Variants in PRSS36 observed in about 807,000 individuals in gnomAD.
PRSS36 encodes polyserase-2.
A neutral mutation model predicts 94.3 loss-of-function variants in PRSS36; 90 were observed. That is an observed-to-expected ratio of 0.95 (90% CI 0.80 to 1.14). The LOEUF (loss-of-function observed/expected upper bound fraction) is 1.14, where lower values mean the gene tolerates loss of function less well. PRSS36 is among the 50% of genes most tolerant of loss of function. The probability of loss-of-function intolerance (pLI) is 0.00; values close to 1 mark genes in which losing one functional copy is unlikely to be tolerated. For missense variants in PRSS36, 1,158 were observed against 1,135.0 expected (o/e 1.02, Z -0.29); for synonymous variants, 500 against 489.6 (o/e 1.02, Z -0.28).
rs775399871 is a variant in PRSS36, at chr16:31,143,802, G to A, written c.756C>T (p.Gly252=). Residue 252 remains glycine (G), a synonymous_variant, in exon 7 of 15, where the codon GGC becomes GGT. Transcript: ENST00000268281. The part of the protein sequence containing the change: ...DSGGPLVCEE[G]GRWFQAGITS... ...TGATTCCTGCCTGGAACCAGCGGCC[G>A]CCTTCCTCACAGACCAGGGGCCCCC... 17 of 1,613,852 alleles carry A rather than the reference G, an allele frequency of 1.1e-5. No homozygotes were observed. In the East Asian group the frequency reaches 2.9e-4, roughly 27 times the overall value.
chr16:31,149,604 C>G, intron 2 of PRSS36, 92 bp downstream of exon 2: 4 of 1,608,028 alleles, frequency 2.5e-6, no homozygotes, highest in Non-Finnish European at 3.4e-6. Context: ...TCCCACTTCC[C>G]TGTCCGTTCA....
At chr16:31,139,501 A>T in intron 14 of PRSS36, 85 bp from the exon 15 acceptor site, 1 of 1,489,028 alleles carries the variant, frequency 6.7e-7, no homozygotes, top group Non-Finnish European at 9.1e-7. Flanking sequence ...GCCACGAAGC[A>T]CTCTGGTCTG....
Position 31,140,742 on chromosome 16 carries a change from T to C in PRSS36, c.1917A>G (p.Thr639=), listed in dbSNP as rs1040648236. The C allele has an allele frequency of 1.9e-6, 3 of 1,613,876 alleles. No individual in the cohort carries two copies. Among genetic ancestry groups the C allele is most frequent in the African/African-American group, 2.7e-5 (2 of 74,888 alleles). The change falls in exon 13 of 15, where the codon ACA becomes ACG. Residue 639 remains threonine (T), a synonymous_variant. Transcript: ENST00000268281. ...THCVLRPGST[T]VPYIEVYLGR... is the part of the protein sequence containing the mutation. ...CCAGATACACTTCAATGTAAGGCACTGTTGTAGAGCCTGGCCTGTTGGAAC... is the reference window on the plus strand; with the variant it reads ...CCAGATACACTTCAATGTAAGGCACCGTTGTAGAGCCTGGCCTGTTGGAAC...
chr16:31,142,136 TC>T (rs780784446), intron 10 of PRSS36, among the ~76,000 whole-genome samples, 176 bp from the exon 11 acceptor site: 67 of 152,236 alleles, frequency 4.4e-4, no homozygotes, highest in Admixed American at 1.2e-3. Flanking sequence ...ACTTTAAGAT[TC>T]TCCTTAAATC....
chr16:31,149,779 T>TTC, intron 1 of PRSS36, 48 bp from the exon 2 acceptor site: 1 of 1,613,330 alleles, frequency 6.2e-7, no homozygotes, highest in Non-Finnish European at 8.5e-7. Context: ...TCGCACTCAG[T>TTC]ATGTGCCCTC....
Position 31,149,685 on chromosome 16 carries a change from G to A in PRSS36, c.73+11C>T, listed in dbSNP as rs766867052. ...TCTGCACGTGACTTTCCCCCAGTCC[G>A]GCTACCTTACCTGAGTCCTGGAAGG... is the stretch of plus-strand genomic sequence containing the variant. On this transcript the variant is annotated intron_variant, in intron 2 of 14. Transcript: ENST00000268281. The A allele has an allele frequency of 2.6e-5, 42 of 1,613,978 alleles. No homozygotes were observed. The highest frequency in any genetic ancestry group is 3.3e-5 in the Admixed American group (2 of 59,980).
chr16:31,149,054 G>C lies in PRSS36; in HGVS notation c.272+19C>G, dbSNP rs751695920. On this transcript the variant is annotated intron_variant, in intron 4 of 14. Coordinates refer to ENST00000268281, the MANE Select transcript of PRSS36 (RefSeq NM_173502.5). ...CCAGCTTTTGGCGGAGAGGGGCCAGGACCAGGGCGAATACTCACGTCATGA... is the reference window on the plus strand; with the variant it reads ...CCAGCTTTTGGCGGAGAGGGGCCAGCACCAGGGCGAATACTCACGTCATGA... 1.0e-5 allele frequency: 16 copies of C among 1,574,790 alleles called. No homozygotes were observed. Among genetic ancestry groups the C allele is most frequent in the Non-Finnish European group, 1.2e-5 (14 of 1,160,594 alleles).
intron 6 of PRSS36, 146 bp from the exon 7 acceptor site, chr16:31,143,983 G>T: frequency 9.9e-7 from 1 of 1,015,016 alleles, no homozygotes; most frequent in Non-Finnish European, 1.4e-6. Context: ...CATTCCCTGC[G>T]GCTCTAAACA....
intron 5 of PRSS36, 116 bp from the exon 6 acceptor site, chr16:31,146,071 C>T (rs563221079): frequency 5.4e-4 from 479 of 895,254 alleles, no homozygotes; most frequent in Non-Finnish European, 7.1e-4. Context: ...GCCCCATGGC[C>T]TCTCAGCCCA....
At chr16:31,141,322 G>A in intron 12 of PRSS36, 147 bp downstream of exon 12, 1 of 1,046,498 alleles carries the variant, frequency 9.6e-7, no homozygotes, top group South Asian at 1.6e-5. Flanking sequence ...AAGGCAGGAG[G>A]ATTGCTTGAG....
chr16:31,140,140 G>A (rs112220319), intron 14 of PRSS36, among the ~76,000 whole-genome samples, 154 bp downstream of exon 14: 19 of 150,158 alleles, frequency 1.3e-4, no homozygotes, highest in African/African-American at 4.7e-4. Context: ...GCAGTGAGCC[G>A]AGATCGCGCC....
Position 31,141,884 on chromosome 16 carries a change from C to G in PRSS36, c.1598G>C (p.Gly533Ala). ...GAAGAAGGCTCGGGGACGTAGACAG[C>G]CACTGGGAAAGTCTCTGATTCCAGC... ...FLAGIRDFPS[G>A]CLRPRAFFPL... The change falls in exon 11 of 15, where the codon GGC (glycine) becomes GCC (alanine). Residue 533 changes from glycine to alanine, a missense_variant. Coordinates refer to ENST00000268281, the MANE Select transcript of PRSS36 (RefSeq NM_173502.5). The G allele has an allele frequency of 6.2e-7, 1 of 1,614,156 alleles. No homozygotes were observed. Among genetic ancestry groups the G allele is most frequent in the Non-Finnish European group, 8.5e-7 (1 of 1,180,032 alleles).
rs958145271 is a variant in PRSS36, at chr16:31,146,214, A to G, written c.554-259T>C. Among the ~76,000 whole-genome samples the G allele has an allele frequency of 2.0e-5, 3 of 152,340 alleles. 1 individual carries two copies. Among genetic ancestry groups the G allele is most frequent in the Non-Finnish European group, 2.9e-5 (2 of 68,030 alleles). On this transcript the variant is annotated intron_variant, in intron 5 of 14. Transcript: ENST00000268281. Reference sequence around the variant, plus strand: ...GTTGTGCACTGCAACAAAGGATGCAATGTAGGGACTAAAACCATTAAGTTC... The same window carrying G: ...GTTGTGCACTGCAACAAAGGATGCAGTGTAGGGACTAAAACCATTAAGTTC...
At chr16:31,147,824 A>G (rs1467618567) in intron 5 of PRSS36, among the ~76,000 whole-genome samples, 9 of 152,112 alleles carry the variant, frequency 5.9e-5, no homozygotes, top group Non-Finnish European at 2.9e-5. Context: ...GGTGGATGGA[A>G]TGAGAGGAAG....
chr16:31,139,044 CCTTGAG>C lies in PRSS36; in HGVS notation c.*88_*93del. 1.4e-5 allele frequency: 19 copies of C among 1,379,350 alleles called. No individual in the cohort carries two copies. Among genetic ancestry groups the C allele is most frequent in the Admixed American group, 4.9e-5 (2 of 40,650 alleles). 85.4% of individuals were successfully genotyped at this position (1,379,350 alleles called of 1,614,324 possible). ...CCGCTGCAATCTCGGTGGGTGGGGC[CCTTGAG>C]GTTCCAGCCGGCTGGGCCACATTCC... On this transcript the variant is annotated 3_prime_UTR_variant, in exon 15 of 15. Transcript: ENST00000268281.
rs766329085 is a variant in PRSS36 at position 31,141,455 on chromosome 16, C to T, written c.1901+14G>A. The T allele has an allele frequency of 9.4e-6, 15 of 1,594,698 alleles. No homozygotes were observed. The highest frequency in any genetic ancestry group is 2.2e-5 in the East Asian group (1 of 44,520). On this transcript the variant is annotated intron_variant, in intron 12 of 14. Transcript: ENST00000268281. ...CCCCTCCCGTCTCTCGCCTAGGAGA[C>T]GAGTGAGACCCACCTGAGGACACAG...
chr16:31,141,682 C>A, intron 11 of PRSS36, 41 bp downstream of exon 11: 1 of 1,607,594 alleles, frequency 6.2e-7, no homozygotes, highest in Non-Finnish European at 8.5e-7. Context: ...TGGGTCTGTG[C>A]ACTCCCAGGA....
rs1366541350 is a variant in PRSS36 at position 31,143,339 on chromosome 16, C to G, written c.1100+3G>C. 13 of 1,585,612 alleles carry G rather than the reference C, an allele frequency of 8.2e-6. No homozygotes were observed. Among genetic ancestry groups the G allele is most frequent in the Admixed American group, 1.8e-5 (1 of 54,206 alleles). ...TCGGCTTGAAACGTAGATTTTCACT[C>G]ACTCCAGAAAGCAGCTGGCAGGTGC... On this transcript the variant is annotated splice_donor_region_variant and intron_variant, in intron 8 of 14. Coordinates refer to ENST00000268281, the MANE Select transcript of PRSS36 (RefSeq NM_173502.5).
intron 8 of PRSS36, 38 bp from the exon 9 acceptor site, chr16:31,143,031 G>A (rs1281493984): frequency 7.3e-7 from 1 of 1,373,666 alleles, no homozygotes; most frequent in Non-Finnish European, 9.4e-7. Context: ...GCCGGATCCC[G>A]CACACGTGGC....
Sources: gnomAD v4.1 joint callset for allele counts (sites outside exome capture counted in the v4.1 genomes callset) on GRCh38, gnomAD v4.1.1 for gene constraint, MANE v1.5 for transcripts, NCBI Gene and HGNC (gene_info 2026-07-23, HGNC 2026-07-21) for gene names.